The following LRRC1 variants were observed in gnomAD, a reference collection of about 807,000 sequenced individuals.
The protein encoded by LRRC1 is leucine-rich repeat-containing protein 1.
In LRRC1, 28 loss-of-function variants were observed where a neutral mutation model predicts 69.9. The observed-to-expected ratio is 0.40, with a 90% CI of 0.30 to 0.55. The LOEUF is 0.55. Among genes scored for constraint, LRRC1 ranks in the 20% least tolerant of loss-of-function variants. The pLI, the probability that LRRC1 is intolerant of heterozygous loss-of-function variation, is 0.47. For synonymous variants in LRRC1, 236 were observed against 240.2 expected, an observed-to-expected ratio of 0.98 and a Z score of 0.16; for missense variants, 498 against 609.0, an observed-to-expected ratio of 0.82 and a Z score of 1.92.
intron 1 of LRRC1, among the ~76,000 whole-genome samples, chr6:53,835,443 G>C (rs1050017273): frequency 6.6e-6 from 1 of 152,180 alleles, no homozygotes; most frequent in Non-Finnish European, 1.5e-5. Flanking sequence ...GAGGACCAGA[G>C]AAGTTAAGTG....
At chr6:53,891,997 A>AT (rs1464242685) in intron 4 of LRRC1, among the ~76,000 whole-genome samples, 145 of 60,348 alleles carry the variant, frequency 2.4e-3, no homozygotes, top group South Asian at 0.01. Flanking sequence ...GTCTAAAAAA[A>AT]AAATATATAT....
intron 2 of LRRC1, among the ~76,000 whole-genome samples, chr6:53,846,679 A>T (rs1420903009): frequency 6.6e-6 from 1 of 152,262 alleles, no homozygotes; most frequent in Non-Finnish European, 1.5e-5. Context: ...TGATTGGAGT[A>T]TATGAACTAG....
At chr6:53,856,942 G>T (rs1373064948) in intron 2 of LRRC1, among the ~76,000 whole-genome samples, 1 of 152,132 alleles carries the variant, frequency 6.6e-6, no homozygotes, top group East Asian at 1.9e-4. Context: ...GGGAGGGAGA[G>T]GTTTTGGGTC....
intron 2 of LRRC1, among the ~76,000 whole-genome samples, chr6:53,861,164 C>T (rs1242124538): frequency 3.3e-5 from 5 of 151,866 alleles, no homozygotes; most frequent in African/African-American, 1.2e-4. Context: ...ACCTTTTGAA[C>T]CTAAAATAGA....
Position 53,879,006 on chromosome 6 carries a change from T to C in LRRC1, c.291T>C (p.Ile97=). The C allele has an allele frequency of 6.2e-7, 1 of 1,611,812 alleles. No individual in the cohort carries two copies. The highest frequency in any genetic ancestry group is 8.5e-7 in the Non-Finnish European group (1 of 1,178,376). The change falls in exon 3 of 14, where the codon ATT becomes ATC. Residue 97 remains isoleucine, a synonymous_variant. Coordinates refer to ENST00000370888, the MANE Select transcript of LRRC1 (RefSeq NM_018214.5). ...LDVSRNEIPE[I]PESISFCKAL... ...CTACTCCTGCAGAGATTCCTGAAAT[T>C]CCAGAAAGCATTTCATTCTGTAAAG...
intron 1 of LRRC1, among the ~76,000 whole-genome samples, chr6:53,815,189 G>A (rs1360351237): frequency 6.6e-6 from 1 of 152,202 alleles, no homozygotes; most frequent in African/African-American, 2.4e-5. Flanking sequence ...AGTGCCCCAG[G>A]TGACTGATGC....
chr6:53,834,049 T>C (rs1485069266), intron 1 of LRRC1, among the ~76,000 whole-genome samples: 1 of 152,178 alleles, frequency 6.6e-6, no homozygotes, highest in Non-Finnish European at 1.5e-5. Flanking sequence ...CTGTGATACC[T>C]CCCCTATTGC....
At chr6:53,843,006 G>T (rs1765837349) in intron 2 of LRRC1, among the ~76,000 whole-genome samples, 1 of 152,038 alleles carries the variant, frequency 6.6e-6, no homozygotes, top group African/African-American at 2.4e-5. Flanking sequence ...CCCTTAGAGT[G>T]CTTCCCAAAT....
Position 53,910,591 on chromosome 6 carries a change from G to C in LRRC1, c.991-3263G>C, listed in dbSNP as rs551566539. Among the ~76,000 whole-genome samples, 240 of 152,214 alleles carry C rather than the reference G, an allele frequency of 1.6e-3. 1 individual carries two copies. The highest frequency in any genetic ancestry group is 5.3e-3 in the African/African-American group (222 of 41,520). On this transcript the variant is annotated intron_variant, in intron 10 of 13. Coordinates refer to ENST00000370888, the MANE Select transcript of LRRC1 (RefSeq NM_018214.5). ...AGGTGTTGATTGTACTCATCATTTG[G>C]ATCTGAGGTTTTTATTTCCTGGAAA...
At chr6:53,823,281 G>A (rs1353674939) in intron 1 of LRRC1, among the ~76,000 whole-genome samples, 1 of 152,142 alleles carries the variant, frequency 6.6e-6, no homozygotes, top group Non-Finnish European at 1.5e-5. Flanking sequence ...TAACTCATGA[G>A]GGGATTACAT....
intron 4 of LRRC1, among the ~76,000 whole-genome samples, chr6:53,890,502 G>A (rs6458972): frequency 0.83 from 125,733 of 152,026 alleles, 52,201 homozygotes; most frequent in East Asian, 0.97. Flanking sequence ...TGTGGCCCCC[G>A]GTCACAAGGC....
intron 10 of LRRC1, among the ~76,000 whole-genome samples, chr6:53,908,750 C>T (rs1489443836): frequency 6.6e-6 from 1 of 152,116 alleles, no homozygotes; most frequent in Non-Finnish European, 1.5e-5. Context: ...TCTGTCTTTA[C>T]TCTATTAGAA....
chr6:53,866,016 G>A (rs533884193), intron 2 of LRRC1, among the ~76,000 whole-genome samples: 1 of 152,150 alleles, frequency 6.6e-6, no homozygotes, highest in East Asian at 1.9e-4. Flanking sequence ...CACTGCGCCT[G>A]GCTAAGACTC....
chr6:53,848,554 A>G (rs1253240104), intron 2 of LRRC1, among the ~76,000 whole-genome samples: 1 of 152,082 alleles, frequency 6.6e-6, no homozygotes. Context: ...TTGCCATTCC[A>G]TAGTCCTTTT....
chr6:53,833,385 T>G (rs903846469), intron 1 of LRRC1, among the ~76,000 whole-genome samples: 20 of 152,190 alleles, frequency 1.3e-4, no homozygotes, highest in African/African-American at 4.6e-4. Flanking sequence ...TATATCTTTG[T>G]TTAGGATCAT....
intron 2 of LRRC1, among the ~76,000 whole-genome samples, chr6:53,875,099 A>G (rs1208141152): frequency 6.6e-6 from 1 of 152,244 alleles, no homozygotes; most frequent in African/African-American, 2.4e-5. Flanking sequence ...ATAAGTGGGC[A>G]TAAGTTGCTG....
chr6:53,913,679 G>C (rs1368944142), intron 10 of LRRC1, among the ~76,000 whole-genome samples, 175 bp from the exon 11 acceptor site: 1 of 152,160 alleles, frequency 6.6e-6, no homozygotes, highest in African/African-American at 2.4e-5. Context: ...ATGAACATAT[G>C]GGGCTGCGTT....
At chr6:53,846,877 G>A (rs1349143854) in intron 2 of LRRC1, among the ~76,000 whole-genome samples, 1 of 152,184 alleles carries the variant, frequency 6.6e-6, no homozygotes, top group South Asian at 2.1e-4. Context: ...TGGTATTATC[G>A]CATAGTAGGA....
intron 2 of LRRC1, among the ~76,000 whole-genome samples, chr6:53,863,163 T>C (rs1766586707): frequency 6.6e-6 from 1 of 152,244 alleles, no homozygotes; most frequent in African/African-American, 2.4e-5. Flanking sequence ...CATTATAGCT[T>C]TTGAATTCCA....
Sources: allele counts gnomAD v4.1 joint callset (sites outside exome capture counted in the v4.1 genomes callset), GRCh38; gene constraint gnomAD v4.1.1; transcripts MANE v1.5; gene names NCBI Gene and HGNC (gene_info 2026-07-23, HGNC 2026-07-21).